DERA: variants seen among roughly 807,000 people sequenced by gnomAD.
The protein encoded by DERA is deoxyribose-phosphate aldolase.
A neutral mutation model predicts 41.1 loss-of-function variants in DERA; 15 were observed. The ratio of observed to expected loss-of-function variants is 0.37; its 90% CI spans 0.24 to 0.56. The LOEUF (loss-of-function observed/expected upper bound fraction) is 0.56. Among genes scored for constraint, DERA ranks in the 20% least tolerant of loss-of-function variants. The pLI, the probability that DERA is intolerant of heterozygous loss-of-function variation, is 0.81. For synonymous variants in DERA, 139 were observed against 137.4 expected (o/e 1.01, Z -0.08); for missense variants, 396 against 403.4 (o/e 0.98, Z 0.16).
intron 1 of DERA, among the ~76,000 whole-genome samples, chr12:15,923,340 A>G (rs1424739801): frequency 7.2e-5 from 11 of 152,292 alleles, no homozygotes; most frequent in Non-Finnish European, 1.6e-4. Context: ...CTTTTAAAAA[A>G]CAGACACAGA....
At position 15,992,491 on chromosome 12, in the gene DERA, T is replaced by C. The variant is rs1948808960; in HGVS notation, c.637+10055T>C. Among the ~76,000 whole-genome samples, 3 of 152,122 alleles carry C rather than the reference T, an allele frequency of 2.0e-5. No individual in the cohort carries two copies. In the South Asian group the frequency reaches 6.2e-4, roughly 32 times the overall value. ...GAAGAACCAGGGAGAACTTTTTGCT[T>C]TGGTTTTGGGGTTGAAGAAAAATTG... On this transcript the variant is annotated intron_variant, in intron 6 of 8. Transcript: ENST00000428559. This position sits in a 1 kb window ranked among gnomAD's most constrained non-coding sequence, Gnocchi z 4.3.
At chr12:15,932,930 C>T (rs559850542) in intron 1 of DERA, among the ~76,000 whole-genome samples, 217 of 152,252 alleles carry the variant, frequency 1.4e-3, no homozygotes, top group African/African-American at 4.9e-3. Flanking sequence ...ATTAAGTGAA[C>T]CCTTTATGTG....
chr12:15,911,481 G>T lies in DERA; in HGVS notation c.31+67G>T. On this transcript the variant is annotated intron_variant, in intron 1 of 8. Coordinates refer to ENST00000428559, the MANE Select transcript of DERA (RefSeq NM_015954.4). This position sits in a 1 kb window ranked among gnomAD's most constrained non-coding sequence, Gnocchi z 4.5. ...TCAGCGCCGCCGGGACTAGCGCGGG[G>T]CCTGCTGCCGCCCAGTGCCCTGGCT... 7.3e-7 allele frequency: 1 copy of T among 1,364,414 alleles called. No individual in the cohort carries two copies. Among genetic ancestry groups the T allele is most frequent in the Non-Finnish European group, 9.6e-7 (1 of 1,042,562 alleles). 84.5% of individuals were successfully genotyped at this position (1,364,414 alleles called of 1,614,324 possible). A position where few individuals can be genotyped will look rare whatever the true frequency, so the allele number is the denominator to read the frequency against.
At chr12:15,971,620 G>A (rs1948661163) in intron 5 of DERA, among the ~76,000 whole-genome samples, 1 of 149,010 alleles carries the variant, frequency 6.7e-6, no homozygotes, top group African/African-American at 2.5e-5. Flanking sequence ...AGGTTCAAGA[G>A]ATTCTCCTGC....
intron 6 of DERA, among the ~76,000 whole-genome samples, chr12:16,018,975 T>C (rs1949001642): frequency 6.6e-6 from 1 of 152,176 alleles, no homozygotes; most frequent in South Asian, 2.1e-4. Context: ...ATTTGAGATA[T>C]TTTCTCATAA....
chr12:15,930,753 TAACACCCCTC>T (rs769940985), intron 1 of DERA, among the ~76,000 whole-genome samples: 1 of 152,176 alleles, frequency 6.6e-6, no homozygotes, highest in Non-Finnish European at 1.5e-5. Context: ...ATGAAGTTGT[TAACACCCCTC>T]ATAAGATATG....
chr12:15,962,706 G>A (rs1284270971), intron 4 of DERA, 107 bp from the exon 5 acceptor site: 3 of 871,314 alleles, frequency 3.4e-6, no homozygotes, highest in Non-Finnish European at 5.1e-6. Flanking sequence ...GGAATTCTTT[G>A]ATGAACTACT....
chr12:15,916,971 A>G (rs1948205016), intron 1 of DERA, among the ~76,000 whole-genome samples: 1 of 152,266 alleles, frequency 6.6e-6, no homozygotes. Flanking sequence ...TAATTTTGTT[A>G]ATTTAGAGTG....
intron 6 of DERA, among the ~76,000 whole-genome samples, chr12:16,006,822 A>G (rs537224059): frequency 8.5e-5 from 13 of 152,376 alleles, no homozygotes; most frequent in Admixed American, 7.8e-4. Context: ...CCTAAGAGCT[A>G]GGAAATGTAA....
In DERA at chr12:15,976,358, G is replaced by A. The variant is rs981261821; in HGVS notation, c.509-5950G>A. ...CCAACCCCTAGAATTTTCAGTCCTCGCTGGTAAGGGTGACCTTCACTTTCC... is the reference window on the plus strand; with the variant it reads ...CCAACCCCTAGAATTTTCAGTCCTCACTGGTAAGGGTGACCTTCACTTTCC... On this transcript the variant is annotated intron_variant, in intron 5 of 8. Coordinates refer to ENST00000428559, the MANE Select transcript of DERA (RefSeq NM_015954.4). This position sits in a 1 kb window ranked among gnomAD's most constrained non-coding sequence, Gnocchi z 4.1. Among the ~76,000 whole-genome samples the A allele has an allele frequency of 1.6e-4, 24 of 151,986 alleles. No individual in the cohort carries two copies. The highest frequency in any genetic ancestry group is 2.9e-5 in the Non-Finnish European group (2 of 68,008).
intron 1 of DERA, among the ~76,000 whole-genome samples, chr12:15,925,947 G>A (rs1302508312): frequency 1.4e-5 from 2 of 141,282 alleles, no homozygotes; most frequent in African/African-American, 3.0e-5. Context: ...CCTGCCTCCC[G>A]AGTAGCTGGA....
At chr12:16,016,009 G>A (rs1284304353) in intron 6 of DERA, among the ~76,000 whole-genome samples, 2 of 152,110 alleles carry the variant, frequency 1.3e-5, no homozygotes, top group African/African-American at 4.8e-5. Flanking sequence ...TCTTCAGGCG[G>A]TTTTAGTATT....
In DERA at chr12:16,010,882, A is replaced by AC. The variant is rs919306057; in HGVS notation, c.638-21657dup. On this transcript the variant is annotated intron_variant, in intron 6 of 8. Transcript: ENST00000428559. This position sits in a 1 kb window ranked among gnomAD's most constrained non-coding sequence, Gnocchi z 5.5. ...ACAGGTCACTGTAAAAAGAAACTCT[A>AC]CCCACTTATCATCAATTGTTGAAAA... is the stretch of plus-strand genomic sequence containing the variant. 6.6e-6 allele frequency among the ~76,000 whole-genome samples: 1 copy of AC among 151,432 alleles called. No homozygotes were observed. Among genetic ancestry groups the AC allele is most frequent in the African/African-American group, 2.4e-5 (1 of 40,836 alleles).
At chr12:16,022,664 C>A (rs1439419553) in intron 6 of DERA, among the ~76,000 whole-genome samples, 1 of 152,192 alleles carries the variant, frequency 6.6e-6, no homozygotes, top group African/African-American at 2.4e-5. Flanking sequence ...TCAGACCCAT[C>A]AAAGACCTGA....
chr12:15,977,196 G>C (rs1163801753), intron 5 of DERA, among the ~76,000 whole-genome samples: 2 of 152,152 alleles, frequency 1.3e-5, no homozygotes, highest in African/African-American at 4.8e-5. Flanking sequence ...TGAACTAGAA[G>C]GGAGTTGACA....
intron 1 of DERA, among the ~76,000 whole-genome samples, chr12:15,946,045 C>T (rs561625687): frequency 2.0e-5 from 3 of 152,134 alleles, no homozygotes; most frequent in East Asian, 1.9e-4. Flanking sequence ...GATTTGTGTA[C>T]GTTGAACCAG....
At position 15,915,049 on chromosome 12, in the gene DERA, C is replaced by T. The variant is rs1948189742; in HGVS notation, c.31+3635C>T. ...ATTTAGGTAGTTATTGAGTACCAAT[C>T]TGTACTGGGTAGTATTACCCTAGGC... On this transcript the variant is annotated intron_variant, in intron 1 of 8. Coordinates refer to ENST00000428559, the MANE Select transcript of DERA (RefSeq NM_015954.4). This position sits in a 1 kb window ranked among gnomAD's most constrained non-coding sequence, Gnocchi z 4.8. Among the ~76,000 whole-genome samples, 1 of 152,148 alleles carries T rather than the reference C, an allele frequency of 6.6e-6. No homozygotes were observed. The highest frequency in any genetic ancestry group is 2.4e-5 in the African/African-American group (1 of 41,438).
At position 15,972,340 on chromosome 12, in the gene DERA, C is replaced by G. The variant is rs146541199; in HGVS notation, c.508+9393C>G. 6.4e-6 allele frequency: 1 copy of G among 156,420 alleles called. No homozygotes were observed. The highest frequency in any genetic ancestry group is 1.4e-5 in the Non-Finnish European group (1 of 69,580). 9.7% of individuals were successfully genotyped at this position (156,420 alleles called of 1,614,324 possible). A position where few individuals can be genotyped will look rare whatever the true frequency, so the allele number is the denominator to read the frequency against. On this transcript the variant is annotated intron_variant, in intron 5 of 8. Coordinates refer to ENST00000428559, the MANE Select transcript of DERA (RefSeq NM_015954.4). This position sits in a 1 kb window ranked among gnomAD's most constrained non-coding sequence, Gnocchi z 4.4. Reference sequence around the variant, plus strand: ...GGACAGGAGGAAGCCAATGGCCTCGCGGCCCTTCTTGTTGCTCCCAGAACT... The same window carrying G: ...GGACAGGAGGAAGCCAATGGCCTCGGGGCCCTTCTTGTTGCTCCCAGAACT...
chr12:15,913,706 C>T lies in DERA; in HGVS notation c.31+2292C>T, dbSNP rs1324318830. ...AGTTCCTTTGAGACTAAACCTGACC[C>T]TCATGATTAAAAAGTCTTTAAGGAA... is the stretch of plus-strand genomic sequence containing the variant. On this transcript the variant is annotated intron_variant, in intron 1 of 8. Coordinates refer to ENST00000428559, the MANE Select transcript of DERA (RefSeq NM_015954.4). The surrounding 1 kb of genome is among the most constrained non-coding windows in gnomAD (Gnocchi z 4.5). 6.6e-6 allele frequency among the ~76,000 whole-genome samples: 1 copy of T among 152,136 alleles called. No individual in the cohort carries two copies. Among genetic ancestry groups the T allele is most frequent in the East Asian group, 1.9e-4 (1 of 5,188 alleles).
Sources: allele counts gnomAD v4.1 joint callset (sites outside exome capture counted in the v4.1 genomes callset), GRCh38; gene constraint gnomAD v4.1.1; non-coding constraint Gnocchi (gnomAD v3.1); transcripts MANE v1.5; gene names NCBI Gene and HGNC (gene_info 2026-07-23, HGNC 2026-07-21).